The following TBC1D5 variants were observed in gnomAD, a reference collection of about 807,000 sequenced individuals.
The protein encoded by TBC1D5 is TBC1 domain family, member 5.
A neutral mutation model predicts 100.3 loss-of-function variants in TBC1D5; 75 were observed. The observed-to-expected ratio is 0.75, with a 90% confidence interval of 0.62 to 0.91. The LOEUF is 0.91. Among genes scored for constraint, TBC1D5 ranks in the 40% least tolerant of loss-of-function variants. The pLI is 0.00. For synonymous variants in TBC1D5, 323 were observed against 325.6 expected (o/e 0.99, Z 0.09); for missense variants, 910 against 942.4 (o/e 0.97, Z 0.45).
chr3:17,343,349 T>C (rs2089312908), intron 13 of TBC1D5, among the ~76,000 whole-genome samples: 1 of 152,034 alleles, frequency 6.6e-6, no homozygotes, highest in African/African-American at 2.4e-5. Flanking sequence ...CTTTTTGATG[T>C]GCTGCTGGAT....
chr3:17,515,470 T>G (rs1179024333), intron 2 of TBC1D5, among the ~76,000 whole-genome samples: 1 of 152,176 alleles, frequency 6.6e-6, no homozygotes, highest in East Asian at 1.9e-4. Flanking sequence ...ACATATTAAC[T>G]TATTTAAACC....
intron 8 of TBC1D5, among the ~76,000 whole-genome samples, chr3:17,396,260 T>C (rs1479591319): frequency 2.6e-5 from 4 of 152,122 alleles, no homozygotes; most frequent in Non-Finnish European, 5.9e-5. Context: ...TCGAGGAGAC[T>C]GAAAATATAA....
chr3:17,604,419 C>G (rs1027100055), intron 2 of TBC1D5, among the ~76,000 whole-genome samples: 1 of 152,124 alleles, frequency 6.6e-6, no homozygotes, highest in Non-Finnish European at 1.5e-5. Context: ...GAAAACAGAG[C>G]TCAGAGGGTA....
In TBC1D5 at chr3:17,609,083, C is replaced by A. The variant is rs142090691; in HGVS notation, c.-36+14766G>T. On this transcript the variant is annotated intron_variant, in intron 2 of 21. Coordinates refer to ENST00000253692, the Ensembl canonical transcript of TBC1D5. Reference sequence around the variant, plus strand: ...TTCAGAAGATTCCCATGTTTATGCACACCATTCCATTCAAAAGGGCCTAAT... The same window carrying A: ...TTCAGAAGATTCCCATGTTTATGCAAACCATTCCATTCAAAAGGGCCTAAT... Among the ~76,000 whole-genome samples, 412 of 152,318 alleles carry A rather than the reference C, an allele frequency of 2.7e-3. 5 individuals are homozygous for A. Among genetic ancestry groups the A allele is most frequent in the Non-Finnish European group, 5.1e-3 (346 of 68,038 alleles).
intron 16 of TBC1D5, among the ~76,000 whole-genome samples, chr3:17,256,066 A>G (rs752522317): frequency 6.6e-5 from 10 of 152,280 alleles, no homozygotes; most frequent in African/African-American, 1.4e-4. Context: ...AAAATTTGAA[A>G]TAAGATTAAA....
intron 2 of TBC1D5, among the ~76,000 whole-genome samples, chr3:17,528,419 T>A (rs908309264): frequency 6.6e-6 from 1 of 152,156 alleles, no homozygotes; most frequent in African/African-American, 2.4e-5. Context: ...CAAGGTACCA[T>A]CTTGGAAGCA....
At chr3:17,482,198 C>G (rs1317832705) in intron 3 of TBC1D5, among the ~76,000 whole-genome samples, 1 of 152,080 alleles carries the variant, frequency 6.6e-6, no homozygotes, top group African/African-American at 2.4e-5. Context: ...ATAACATATA[C>G]CAAAAGCTCT....
chr3:17,306,852 C>T (rs1032925378), intron 14 of TBC1D5, among the ~76,000 whole-genome samples: 11 of 152,068 alleles, frequency 7.2e-5, no homozygotes, highest in African/African-American at 2.4e-4. Context: ...TCCATCAAAT[C>T]TACTCAAATA....
At chr3:17,178,317 G>A (rs1407558552) in intron 19 of TBC1D5, among the ~76,000 whole-genome samples, 8 of 151,758 alleles carry the variant, frequency 5.3e-5, no homozygotes, top group African/African-American at 9.7e-5. Context: ...CACCCACCTC[G>A]GCCTCCCAAA....
chr3:17,201,471 T>C (rs897691761), intron 18 of TBC1D5, among the ~76,000 whole-genome samples: 1 of 152,066 alleles, frequency 6.6e-6, no homozygotes, highest in African/African-American at 2.4e-5. Flanking sequence ...ATAGCAGAGA[T>C]CAGGAAAAGA....
intron 1 of TBC1D5, among the ~76,000 whole-genome samples, chr3:17,703,484 AT>A (rs950772006): frequency 3.7e-4 from 56 of 152,122 alleles, no homozygotes; most frequent in African/African-American, 1.2e-3. Context: ...CAAACTGCAA[AT>A]TTTTTTTCAA....
chr3:17,206,145 C>T (rs952976401), intron 18 of TBC1D5, among the ~76,000 whole-genome samples: 4 of 152,196 alleles, frequency 2.6e-5, no homozygotes, highest in South Asian at 2.1e-4. Context: ...GGGAAAATAA[C>T]GTTTGTATTT....
chr3:17,738,738 T>C (rs1264719259), intron 1 of TBC1D5, among the ~76,000 whole-genome samples: 3 of 152,036 alleles, frequency 2.0e-5, no homozygotes, highest in Non-Finnish European at 4.4e-5. Context: ...AGCCAACAAG[T>C]GGGCATGCAG....
chr3:17,547,302 C>T (rs1348144823), intron 2 of TBC1D5, among the ~76,000 whole-genome samples: 1 of 152,026 alleles, frequency 6.6e-6, no homozygotes, highest in Admixed American at 6.5e-5. Context: ...TAAAATGAAT[C>T]TTCTCAGTCT....
intron 17 of TBC1D5, among the ~76,000 whole-genome samples, chr3:17,229,515 C>T (rs2075232234): frequency 1.3e-5 from 2 of 152,178 alleles, no homozygotes; most frequent in South Asian, 4.2e-4. Context: ...GGAATGAGCT[C>T]CTTCATTATT....
chr3:17,458,902 C>T (rs1287911483), intron 3 of TBC1D5, among the ~76,000 whole-genome samples: 1 of 152,198 alleles, frequency 6.6e-6, no homozygotes, highest in Non-Finnish European at 1.5e-5. Flanking sequence ...AAAGTTACCA[C>T]TTTGCATGCA....
At chr3:17,306,086 A>T (rs1249313551) in intron 14 of TBC1D5, among the ~76,000 whole-genome samples, 1 of 149,648 alleles carries the variant, frequency 6.7e-6, no homozygotes, top group East Asian at 1.9e-4. Context: ...ACATTAATAT[A>T]TACATCCCTA....
intron 8 of TBC1D5, among the ~76,000 whole-genome samples, chr3:17,386,961 C>T (rs1291861625): frequency 6.6e-6 from 1 of 152,070 alleles, no homozygotes; most frequent in African/African-American, 2.4e-5. Flanking sequence ...ACCAAATCAA[C>T]TGAAAATATG....
chr3:17,331,939 C>T (rs988207005), intron 13 of TBC1D5, among the ~76,000 whole-genome samples: 8 of 152,148 alleles, frequency 5.3e-5, no homozygotes, highest in African/African-American at 1.9e-4. Flanking sequence ...CCATGTAGGG[C>T]CTTATAGGCC....
Sources: allele counts gnomAD v4.1 joint callset (sites outside exome capture counted in the v4.1 genomes callset), GRCh38; gene constraint gnomAD v4.1.1; transcripts MANE v1.5; gene names NCBI Gene and HGNC (gene_info 2026-07-23, HGNC 2026-07-21).